Variants in DHPS observed in about 807,000 individuals in gnomAD.
DHPS encodes the protein deoxyhypusine synthase.
Under a neutral mutation model 38.7 loss-of-function variants are expected in DHPS, and 24 were observed. That is an observed-to-expected ratio of 0.62 (90% CI 0.45 to 0.87). The LOEUF (loss-of-function observed/expected upper bound fraction) is 0.87, where lower values mean the gene tolerates loss of function less well. DHPS is among the 40% of genes least tolerant of loss of function. The pLI, the probability that DHPS is intolerant of heterozygous loss-of-function variation, is 0.00. For missense variants in DHPS, 510 were observed against 497.6 expected, an observed-to-expected ratio of 1.02 and a Z score of -0.24; for synonymous variants, 250 against 204.4, an observed-to-expected ratio of 1.22 and a Z score of -1.90.
At chr19:12,677,478 G>C (rs2024647347) in intron 5 of DHPS, 82 bp from the exon 6 acceptor site, 1 of 1,201,402 alleles carries the variant, frequency 8.3e-7, no homozygotes, top group South Asian at 1.3e-5. Flanking sequence ...ACTGTGGATG[G>C]GGTGCCTAAT....
downstream of DHPS, among the ~76,000 whole-genome samples, chr19:12,674,414 G>T (rs1270107015): frequency 6.6e-6 from 1 of 152,166 alleles, no homozygotes; most frequent in Admixed American, 6.6e-5. Flanking sequence ...GCTTGGCCAG[G>T]GGAACTAAGG....
chr19:12,679,367 TA>T, intron 5 of DHPS, 89 bp downstream of exon 5: 1 of 1,224,486 alleles, frequency 8.2e-7, no homozygotes, highest in Non-Finnish European at 1.2e-6. Context: ...ATGCTGAGAA[TA>T]ACAGTACTGA....
At position 12,675,949 on chromosome 19, in the gene DHPS, C is replaced by G. The variant is rs991158590; in HGVS notation, c.1015-16G>C. ...CAGCATAGACCTGGGTAGGGGGGAA[C>G]CTGGGTAAGCCATGGGACCCACACT... On this transcript the variant is annotated splice_polypyrimidine_tract_variant and intron_variant, in intron 8 of 8. Transcript: ENST00000210060. The G allele has an allele frequency of 3.0e-5, 48 of 1,602,040 alleles. No homozygotes were observed. Among genetic ancestry groups the G allele is most frequent in the Non-Finnish European group, 4.0e-5 (47 of 1,172,848 alleles).
Position 12,677,092 on chromosome 19 carries a change from C to G in DHPS, c.888+16G>C. On this transcript the variant is annotated intron_variant, in intron 7 of 8. Coordinates refer to ENST00000210060, the MANE Select transcript of DHPS (RefSeq NM_001930.4). ...AGCATGTCTGCAGAGTGGGCCGAAG[C>G]GCCACCCCCACTCACCATGAGGTTG... The G allele has an allele frequency of 1.2e-6, 2 of 1,610,452 alleles. No individual in the cohort carries two copies.
At chr19:12,679,404 A>G (rs1372975771) in intron 5 of DHPS, 53 bp downstream of exon 5, 9 of 1,534,000 alleles carry the variant, frequency 5.9e-6, no homozygotes, top group African/African-American at 5.5e-5. Flanking sequence ...GAAAGATGAA[A>G]TAAGTTAACA....
At chr19:12,676,256 C>T (rs2024584092) in intron 7 of DHPS, 114 bp from the exon 8 acceptor site, 1 of 1,321,262 alleles carries the variant, frequency 7.6e-7, no homozygotes, top group Non-Finnish European at 1.0e-6. Context: ...GAAGGAAGCC[C>T]TTCACAGACA....
At chr19:12,674,225 A>G (rs1195232001), downstream of DHPS, among the ~76,000 whole-genome samples, 1 of 152,214 alleles carries the variant, frequency 6.6e-6, no homozygotes, top group African/African-American at 2.4e-5. Context: ...TGGGTGAGAT[A>G]GGGCTGCAGT....
At chr19:12,678,793 AC>A in intron 5 of DHPS, among the ~76,000 whole-genome samples, 1 of 96,796 alleles carries the variant, frequency 1.0e-5, no homozygotes, top group Non-Finnish European at 2.4e-5. Context: ...AAAAAAAAAG[AC>A]TATGTAGCTT....
intron 1 of DHPS, chr19:12,681,042 C>G: frequency 1.0e-6 from 1 of 968,140 alleles, no homozygotes; most frequent in African/African-American, 1.8e-5. Context: ...CCATGTTGGC[C>G]AGGCTTGTCT....
chr19:12,673,141 C>T, downstream of DHPS: 2 of 1,611,450 alleles, frequency 1.2e-6, no homozygotes, highest in Non-Finnish European at 1.7e-6. Flanking sequence ...TCGTGGGGAT[C>T]CCCTTCCCTC....
downstream of DHPS, chr19:12,675,401 T>C: frequency 7.2e-7 from 1 of 1,398,554 alleles, no homozygotes; most frequent in Non-Finnish European, 9.5e-7. Flanking sequence ...GGCAGGTGGC[T>C]GAAGGTCGGG....
chr19:12,679,399 A>G, intron 5 of DHPS, 58 bp downstream of exon 5: 1 of 1,500,888 alleles, frequency 6.7e-7, no homozygotes, highest in South Asian at 1.1e-5. Flanking sequence ...GGCTGGAAAG[A>G]TGAAATAAGT....
At chr19:12,680,515 G>C (rs527541202) in intron 1 of DHPS, among the ~76,000 whole-genome samples, 190 bp from the exon 2 acceptor site, 1 of 150,760 alleles carries the variant, frequency 6.6e-6, no homozygotes, top group African/African-American at 2.4e-5. Context: ...CAAGACACAC[G>C]TTCAGGATTT....
At chr19:12,675,453 T>G (rs942885208), downstream of DHPS, 3 of 1,550,794 alleles carry the variant, frequency 1.9e-6, no homozygotes. Context: ...AGATGGGGGG[T>G]GCCCAGGGAC....
intron 5 of DHPS, among the ~76,000 whole-genome samples, chr19:12,678,469 A>G (rs750165733): frequency 4.0e-5 from 6 of 151,766 alleles, no homozygotes; most frequent in Non-Finnish European, 4.4e-5. Context: ...CCTGTCTCGT[A>G]AAAAAGAAAG....
chr19:12,681,722 G>T lies in DHPS; in HGVS notation c.45C>A (p.Ala15=). The change falls in exon 1 of 9, where the codon GCC becomes GCA. Residue 15 remains alanine (A), a synonymous_variant. Coordinates refer to ENST00000210060, the MANE Select transcript of DHPS (RefSeq NM_001930.4). The part of the protein sequence containing the change: ...LEREAPAGAL[A]AVLKHSSTLP... ...ACGTCGAGCTGTGCTTTAGCACGGC[G>T]GCCAGCGCCCCCGCTGGCGCCTCCC... 6.2e-7 allele frequency: 1 copy of T among 1,613,174 alleles called. No individual in the cohort carries two copies. Among genetic ancestry groups the T allele is most frequent in the East Asian group, 2.2e-5 (1 of 44,874 alleles).
rs778597867 is a variant in DHPS, at chr19:12,679,686, G to A, written c.528C>T (p.Tyr176=). 3.1e-6 allele frequency: 5 copies of A among 1,614,058 alleles called. No individual in the cohort carries two copies. The highest frequency in any genetic ancestry group is 2.7e-5 in the African/African-American group (2 of 74,920). ...IGNLLVPNEN[Y]CKFEDWLMPI... ...GCATCAGCCAGTCCTCAAACTTGCA[G>A]TAATTCTCATTGGGCACCAGCAGGT... The change falls in exon 4 of 9, where the codon TAC becomes TAT. Residue 176 remains tyrosine, a synonymous_variant. Transcript: ENST00000210060.
chr19:12,677,471 G>A (rs2024646484), intron 5 of DHPS, 75 bp from the exon 6 acceptor site: 1 of 1,245,404 alleles, frequency 8.0e-7, no homozygotes, highest in South Asian at 1.3e-5. Context: ...CTATCTGACT[G>A]TGGATGGGGT....
rs2024826694 is a variant in DHPS at position 12,681,770 on chromosome 19, C to A, written c.-4G>T. 1.2e-6 allele frequency: 2 copies of A among 1,605,742 alleles called. No individual in the cohort carries two copies. The highest frequency in any genetic ancestry group is 3.3e-5 in the Admixed American group (2 of 59,984). ...CCCGTTCCAGGGAACCTTCCATGCG[C>A]CTATAGCCGGCTCTCGAGTCAAAGC... On this transcript the variant is annotated 5_prime_UTR_variant, in exon 1 of 9. Transcript: ENST00000210060.
Sources: gnomAD v4.1 joint callset for allele counts (sites outside exome capture counted in the v4.1 genomes callset) on GRCh38, gnomAD v4.1.1 for gene constraint, MANE v1.5 for transcripts, NCBI Gene and HGNC (gene_info 2026-07-23, HGNC 2026-07-21) for gene names.